The following SAXO5 variants were observed in gnomAD, a reference collection of about 807,000 sequenced individuals.
SAXO5 encodes testis expressed 45.
chr19:7,501,692 G>A, the SAXO5 span, among the ~76,000 whole-genome samples: 165 of 151,972 alleles, frequency 1.1e-3, no homozygotes, highest in African/African-American at 3.5e-3. Flanking sequence ...GCGGTGAAGG[G>A]TGCCTGTAAT....
At chr19:7,498,202 CTT>C in the SAXO5 span, among the ~76,000 whole-genome samples, 1 of 151,070 alleles carries the variant, frequency 6.6e-6, no homozygotes, top group African/African-American at 2.4e-5. Flanking sequence ...CACACACACC[CTT>C]CATCCATGTT....
the SAXO5 span, chr19:7,501,124 C>G: frequency 2.0e-6 from 3 of 1,506,560 alleles, no homozygotes; most frequent in Non-Finnish European, 2.6e-6. Flanking sequence ...CAAGCGCAGG[C>G]GCGGGAACGC....
At chr19:7,498,170 T>TACACACATACAC in the SAXO5 span, among the ~76,000 whole-genome samples, 1 of 142,434 alleles carries the variant, frequency 7.0e-6, no homozygotes, top group African/African-American at 2.6e-5. Context: ...CACACACACA[T>TACACACATACAC]ACACACACAC....
At chr19:7,504,418 A>G in the SAXO5 span, 1 of 1,611,518 alleles carries the variant, frequency 6.2e-7, no homozygotes, top group East Asian at 2.2e-5. Context: ...ATAGGTATAA[A>G]GGGGCCACTG....
the SAXO5 span, chr19:7,506,740 C>G: frequency 2.5e-6 from 1 of 402,958 alleles, no homozygotes; most frequent in Admixed American, 4.1e-5. Context: ...CAGCTCCTCC[C>G]TCTTTCCCAG....
chr19:7,501,277 TCGACCGCGACTCCCTGCCTCCTGG>T, the SAXO5 span: 75 of 1,573,724 alleles, frequency 4.8e-5, no homozygotes, highest in Middle Eastern at 6.7e-4. Flanking sequence ...CGCCTCATCT[TCGACCGCGACTCCCTGCCTCCTGG>T]CGACCGCGAC....
At chr19:7,504,094 C>CTCTCTCTCTCTT in the SAXO5 span, 43 of 1,505,514 alleles carry the variant, frequency 2.9e-5, no homozygotes, top group Non-Finnish European at 3.8e-5. Context: ...CTCTCTCTCT[C>CTCTCTCTCTCTT]CCCCCATCCC....
At chr19:7,501,455 A>G in the SAXO5 span, 1 of 1,409,110 alleles carries the variant, frequency 7.1e-7, no homozygotes, top group Non-Finnish European at 9.2e-7. Context: ...GTTCTCAAAC[A>G]GGGGCAAGGG....
chr19:7,507,902 G>A, the SAXO5 span, among the ~76,000 whole-genome samples: 4 of 152,152 alleles, frequency 2.6e-5, no homozygotes, highest in Admixed American at 1.3e-4. Flanking sequence ...CCTTCTGAAG[G>A]GCTAAATCCC....
At chr19:7,499,977 C>A in the SAXO5 span, 1 of 57,628 alleles carries the variant, frequency 1.7e-5, no homozygotes, top group African/African-American at 6.7e-5. Flanking sequence ...GAGACGGGGT[C>A]CCACTATATT....
At chr19:7,506,455 C>A in the SAXO5 span, 6 of 485,498 alleles carry the variant, frequency 1.2e-5, no homozygotes, top group Admixed American at 9.5e-5. Context: ...TGCCTCTCCC[C>A]TTCATAACTC....
At chr19:7,507,831 C>T in the SAXO5 span, among the ~76,000 whole-genome samples, 2 of 152,162 alleles carry the variant, frequency 1.3e-5, no homozygotes, top group African/African-American at 4.8e-5. Context: ...AGAGTTCAAC[C>T]TCCCCAGCCT....
chr19:7,507,195 A>G, the SAXO5 span: 1 of 1,471,434 alleles, frequency 6.8e-7, no homozygotes, highest in Non-Finnish European at 9.5e-7. Context: ...ACATTGGTGT[A>G]GAGTTATCTC....
the SAXO5 span, among the ~76,000 whole-genome samples, chr19:7,503,645 C>T: frequency 6.6e-6 from 1 of 151,950 alleles, no homozygotes. Context: ...CCAACACACC[C>T]GGCTAATTTT....
At chr19:7,502,464 G>C in the SAXO5 span, among the ~76,000 whole-genome samples, 1 of 152,148 alleles carries the variant, frequency 6.6e-6, no homozygotes, top group Admixed American at 6.5e-5. Flanking sequence ...CAGACAGCGG[G>C]TAGAGGCCAG....
the SAXO5 span, chr19:7,505,394 G>A: frequency 5.0e-6 from 8 of 1,614,062 alleles, no homozygotes; most frequent in Non-Finnish European, 5.9e-6. Flanking sequence ...CCTCTTCCGC[G>A]ACAGGACCAC....
chr19:7,507,164 A>T, the SAXO5 span: 1 of 1,593,584 alleles, frequency 6.3e-7, no homozygotes, highest in Non-Finnish European at 8.6e-7. Context: ...GAGGGGAGCC[A>T]CCCATCATTA....
At chr19:7,506,370 T>A in the SAXO5 span, 1 of 486,622 alleles carries the variant, frequency 2.1e-6, no homozygotes, top group Non-Finnish European at 3.6e-6. Flanking sequence ...CTTCATCCCC[T>A]GAAAGGCTAA....
At chr19:7,504,345 T>A in the SAXO5 span, 7 of 1,614,032 alleles carry the variant, frequency 4.3e-6, no homozygotes, top group Non-Finnish European at 5.9e-6. Flanking sequence ...GACTGCAAGA[T>A]CAGCTATGGA....
Sources: gnomAD v4.1 joint callset for allele counts (sites outside exome capture counted in the v4.1 genomes callset) on GRCh38, gnomAD v4.1.1 for gene constraint, MANE v1.5 for transcripts, NCBI Gene and HGNC (gene_info 2026-07-23, HGNC 2026-07-21) for gene names.